The following CSMD1 variants were observed in gnomAD, a reference collection of about 807,000 sequenced individuals.
The protein encoded by CSMD1 is CUB and Sushi multiple domains 1, also known as CUB and sushi domain-containing protein 1.
CSMD1 carries 213 observed loss-of-function variants against 417.5 expected under a neutral mutation model. That is an observed-to-expected ratio of 0.51 (90% CI 0.46 to 0.57). The LOEUF is 0.57. CSMD1 is among the 20% of genes least tolerant of loss of function. The probability of loss-of-function intolerance (pLI) is 0.00; values close to 1 mark genes in which losing one functional copy is unlikely to be tolerated. For synonymous variants in CSMD1, 2,862 were observed against 1,736.8 expected, an observed-to-expected ratio of 1.65 and a Z score of -16.11; for missense variants, 6,923 against 4,529.7, an observed-to-expected ratio of 1.53 and a Z score of -15.17.
chr8:4,447,224 G>C (rs1216900300), intron 2 of CSMD1, among the ~76,000 whole-genome samples: 1 of 152,172 alleles, frequency 6.6e-6, no homozygotes, highest in African/African-American at 2.4e-5. Context: ...ACATGACAAA[G>C]TTCTTGCCTG....
At chr8:4,197,864 G>C (rs1030715311) in intron 3 of CSMD1, among the ~76,000 whole-genome samples, 2 of 152,258 alleles carry the variant, frequency 1.3e-5, no homozygotes, top group Non-Finnish European at 2.9e-5. Flanking sequence ...GGGCAACAGA[G>C]TAAGACTCCA....
intron 39 of CSMD1, 56 bp downstream of exon 39, chr8:3,157,841 G>C (rs1219141796): frequency 2.9e-6 from 4 of 1,376,482 alleles, no homozygotes; most frequent in Non-Finnish European, 4.0e-6. Flanking sequence ...GAGTAGAGCA[G>C]GCATGTTCTT....
At chr8:3,541,810 G>A (rs1798452071) in intron 10 of CSMD1, among the ~76,000 whole-genome samples, 1 of 151,500 alleles carries the variant, frequency 6.6e-6, no homozygotes, top group Non-Finnish European at 1.5e-5. Context: ...AATTTGTGCT[G>A]GGCATGATGG....
At chr8:4,248,886 G>GAA (rs146254502) in intron 3 of CSMD1, among the ~76,000 whole-genome samples, 12 of 150,910 alleles carry the variant, frequency 8.0e-5, no homozygotes, top group East Asian at 3.9e-4. Context: ...TTTTCTGTTG[G>GAA]AAAAAAAAAT....
chr8:4,149,990 CAGAG>C (rs1465398402), intron 3 of CSMD1, among the ~76,000 whole-genome samples: 5 of 152,176 alleles, frequency 3.3e-5, no homozygotes, highest in African/African-American at 1.2e-4. Context: ...ACAGAGAAGT[CAGAG>C]AGACTGATGG....
chr8:4,662,712 T>G (rs1172721963), intron 1 of CSMD1, among the ~76,000 whole-genome samples: 2 of 152,200 alleles, frequency 1.3e-5, no homozygotes, highest in Non-Finnish European at 2.9e-5. Flanking sequence ...CTTTCAGATG[T>G]TACGCAATTA....
At chr8:4,642,566 T>G (rs1803264833) in intron 1 of CSMD1, among the ~76,000 whole-genome samples, 3 of 152,202 alleles carry the variant, frequency 2.0e-5, no homozygotes, top group Admixed American at 1.3e-4. Context: ...TCCTAGATTC[T>G]ACACCTGGAT....
intron 22 of CSMD1, among the ~76,000 whole-genome samples, chr8:3,344,213 C>T (rs553451377): frequency 6.6e-6 from 1 of 152,164 alleles, no homozygotes; most frequent in Admixed American, 6.6e-5. Context: ...AGCAGTGGGT[C>T]TGTGTCACCA....
At chr8:3,059,738 G>A (rs1013360412) in intron 49 of CSMD1, among the ~76,000 whole-genome samples, 18 of 152,152 alleles carry the variant, frequency 1.2e-4, no homozygotes, top group African/African-American at 4.1e-4. Flanking sequence ...GACTGGGGGA[G>A]GGGAAAGATG....
chr8:4,300,489 T>C (rs1157860323), intron 3 of CSMD1, among the ~76,000 whole-genome samples: 1 of 152,246 alleles, frequency 6.6e-6, no homozygotes, highest in Non-Finnish European at 1.5e-5. Flanking sequence ...TACAGTCTTC[T>C]TAACGTTATT....
At chr8:3,700,344 T>A (rs569770107) in intron 7 of CSMD1, 2 of 152,218 alleles carry the variant, frequency 1.3e-5, no homozygotes, top group South Asian at 2.1e-4. Flanking sequence ...GTGAGAGAAA[T>A]GAAATGAACA....
At chr8:3,247,568 G>T (rs1163867759) in intron 26 of CSMD1, among the ~76,000 whole-genome samples, 1 of 152,206 alleles carries the variant, frequency 6.6e-6, no homozygotes. Context: ...TGAATACGCA[G>T]AGGATGGCCC....
chr8:3,126,722 C>T (rs184720231), intron 41 of CSMD1, among the ~76,000 whole-genome samples: 11 of 152,184 alleles, frequency 7.2e-5, no homozygotes, highest in Non-Finnish European at 1.3e-4. Flanking sequence ...AATTATGCTC[C>T]ATTTGTTCTC....
chr8:4,336,266 G>C (rs1800165473), intron 3 of CSMD1, among the ~76,000 whole-genome samples: 1 of 152,134 alleles, frequency 6.6e-6, no homozygotes, highest in African/African-American at 2.4e-5. Flanking sequence ...TCCAAAAATA[G>C]ACAGTATTTT....
At chr8:4,690,029 G>C (rs1005000672) in intron 1 of CSMD1, among the ~76,000 whole-genome samples, 1 of 152,212 alleles carries the variant, frequency 6.6e-6, no homozygotes, top group African/African-American at 2.4e-5. Flanking sequence ...AATGGGTTTA[G>C]AGAAGAGAAT....
intron 25 of CSMD1, among the ~76,000 whole-genome samples, chr8:3,289,876 G>A (rs992047370): frequency 6.8e-6 from 1 of 147,460 alleles, no homozygotes; most frequent in Non-Finnish European, 1.5e-5. Flanking sequence ...ATTGCTTTTG[G>A]CATTTTAGAC....
At chr8:4,209,634 G>A (rs574875737) in intron 3 of CSMD1, among the ~76,000 whole-genome samples, 1 of 152,250 alleles carries the variant, frequency 6.6e-6, no homozygotes, top group African/African-American at 2.4e-5. Context: ...CCGAATTGGG[G>A]CTTAGCCTGG....
chr8:3,415,452 G>T (rs1338511275), intron 12 of CSMD1, among the ~76,000 whole-genome samples: 1 of 152,120 alleles, frequency 6.6e-6, no homozygotes, highest in African/African-American at 2.4e-5. Flanking sequence ...CTACCTCCCG[G>T]ATTCAAGAGA....
intron 2 of CSMD1, among the ~76,000 whole-genome samples, chr8:4,489,015 A>T (rs1371494994): frequency 2.6e-5 from 4 of 152,150 alleles, no homozygotes; most frequent in African/African-American, 7.2e-5. Flanking sequence ...GCTTCAAGCA[A>T]TTCCCCTGTC....
Sources: allele counts gnomAD v4.1 joint callset (sites outside exome capture counted in the v4.1 genomes callset), GRCh38; gene constraint gnomAD v4.1.1; transcripts MANE v1.5; gene names NCBI Gene and HGNC (gene_info 2026-07-23, HGNC 2026-07-21).